Variants in RLIM observed in about 807,000 individuals in gnomAD.
The protein encoded by RLIM is ring finger protein, LIM domain interacting, also known as E3 ubiquitin-protein ligase RLIM.
In RLIM, 2 loss-of-function variants were observed where a neutral mutation model predicts 34.0. That is an observed-to-expected ratio of 0.06 (90% CI 0.02 to 0.19). The LOEUF (loss-of-function observed/expected upper bound fraction) is 0.19. Ranked by LOEUF, RLIM falls within the 10% of genes least tolerant of loss-of-function variation. RLIM has a pLI of 1.00. For missense variants in RLIM, 286 were observed against 479.7 expected, an observed-to-expected ratio of 0.60 and a Z score of 3.77; for synonymous variants, 169 against 164.0, an observed-to-expected ratio of 1.03 and a Z score of -0.23.
In RLIM at chrX:74,591,159, A is replaced by C; in HGVS notation, c.*281T>G. ...GCAGATCTTTTAAGATAACAAAGGA[A>C]AAATTGACAAGTGTATATGATAAAT... On this transcript the variant is annotated 3_prime_UTR_variant, in exon 4 of 4. Coordinates refer to ENST00000332687, the MANE Select transcript of RLIM (RefSeq NM_016120.4). 3.5e-6 allele frequency: 1 copy of C among 288,593 alleles called. No individual in the cohort carries two copies. Among genetic ancestry groups the C allele is most frequent in the Non-Finnish European group, 6.1e-6 (1 of 164,591 alleles). 23.8% of individuals were successfully genotyped at this position (288,593 alleles called of 1,213,427 possible).
chrX:74,607,959 T>G (rs1234923384), intron 1 of RLIM, among the ~76,000 whole-genome samples: 1 of 112,234 alleles, frequency 8.9e-6, no homozygotes, highest in African/African-American at 3.2e-5. Flanking sequence ...GCACCAAAAG[T>G]GTTGGGGATT....
chrX:74,608,339 G>C (rs2079691687), intron 1 of RLIM, among the ~76,000 whole-genome samples: 1 of 109,355 alleles, frequency 9.1e-6, no homozygotes, highest in African/African-American at 3.3e-5. Context: ...AAGCTTATAA[G>C]CTCTGCTTTT....
chrX:74,600,308 CAAAA>C, intron 1 of RLIM, among the ~76,000 whole-genome samples: 1 of 107,034 alleles, frequency 9.3e-6, no homozygotes, highest in Non-Finnish European at 1.9e-5. Context: ...CAAAACAAAA[CAAAA>C]AAAAACCCTG....
In RLIM at chrX:74,582,988, CTTTTA is replaced by C. The variant is rs769343117; in HGVS notation, c.*8447_*8451del. On this transcript the variant is annotated 3_prime_UTR_variant, in exon 4 of 4. Coordinates refer to ENST00000332687, the MANE Select transcript of RLIM (RefSeq NM_016120.4). Reference sequence around the variant, plus strand: ...TCGGTACATACGGTTCAGTTTCCTTCTTTTATATTTTGATATTTTTTTCCATATTT... The same window carrying C: ...TCGGTACATACGGTTCAGTTTCCTTCTATTTTGATATTTTTTTCCATATTT... 53 of 534,358 alleles carry C rather than the reference CTTTTA, an allele frequency of 9.9e-5. No homozygotes were observed. The highest frequency in any genetic ancestry group is 7.8e-4 in the African/African-American group (28 of 36,129). The allele number at this position is 534,358 out of a possible 1,213,427, so 44.0% of individuals were successfully genotyped here.
At chrX:74,599,646 G>T (rs993300420) in intron 1 of RLIM, among the ~76,000 whole-genome samples, 21 of 111,302 alleles carry the variant, frequency 1.9e-4, no homozygotes, top group Non-Finnish European at 3.0e-4. Flanking sequence ...GAAGACAGCT[G>T]TCTATGAGGA....
Position 74,583,918 on chromosome X carries a change from C to T in RLIM, c.*7522G>A, listed in dbSNP as rs976560363. On this transcript the variant is annotated 3_prime_UTR_variant, in exon 4 of 4. Transcript: ENST00000332687. ...AAAATTAGCTGGGCGTGGTGGCGGG[C>T]GCCTGTAATCCCAGCTACTCGGGAG... Among the ~76,000 whole-genome samples, 3 of 110,537 alleles carry T rather than the reference C, an allele frequency of 2.7e-5. No individual in the cohort carries two copies. Among genetic ancestry groups the T allele is most frequent in the East Asian group, 2.8e-4 (1 of 3,530 alleles).
intron 1 of RLIM, among the ~76,000 whole-genome samples, chrX:74,610,740 A>C (rs1602171528): frequency 9.5e-6 from 1 of 105,626 alleles, no homozygotes; most frequent in African/African-American, 3.5e-5. Context: ...AAATACAAAA[A>C]TTAGCCAGGC....
intron 1 of RLIM, among the ~76,000 whole-genome samples, chrX:74,607,903 T>C (rs904596618): frequency 1.8e-5 from 2 of 112,835 alleles, no homozygotes; most frequent in African/African-American, 6.4e-5. Flanking sequence ...ACTGCTGAAT[T>C]TAAGGCCAGA....
rs1354309230 is a variant in RLIM at position 74,588,849 on chromosome X, C to T, written c.*2591G>A. On this transcript the variant is annotated 3_prime_UTR_variant, in exon 4 of 4. Transcript: ENST00000332687. ...TTGTAATCTGACACCTACGAATGAC[C>T]TTGTCTTCAATGTCCACAACACTAG... 1 of 111,930 alleles carries T rather than the reference C, an allele frequency of 8.9e-6. No homozygotes were observed. The highest frequency in any genetic ancestry group is 2.8e-4 in the East Asian group (1 of 3,568). The allele number at this position is 111,930 out of a possible 1,213,427, so 9.2% of individuals were successfully genotyped here.
chrX:74,601,594 A>G (rs977041191), intron 1 of RLIM, among the ~76,000 whole-genome samples: 3 of 111,896 alleles, frequency 2.7e-5, no homozygotes, highest in Non-Finnish European at 3.8e-5. Flanking sequence ...TGGCTTGCAC[A>G]TTAGAATTAC....
At chrX:74,614,385 A>G (rs568808574) in intron 1 of RLIM, 37 bp downstream of exon 1, 1 of 112,097 alleles carries the variant, frequency 8.9e-6, no homozygotes. Context: ...CTCTCGCTCT[A>G]CATCATTTCT....
chrX:74,610,019 A>C (rs1277321832), intron 1 of RLIM, among the ~76,000 whole-genome samples: 1 of 112,370 alleles, frequency 8.9e-6, no homozygotes, highest in Non-Finnish European at 1.9e-5. Flanking sequence ...TTGCAAAATT[A>C]TTGCAAGAAA....
chrX:74,592,733 A>G lies in RLIM; in HGVS notation c.582T>C (p.Asn194=). 3 of 1,211,554 alleles carry G rather than the reference A, an allele frequency of 2.5e-6. No homozygotes were observed. The highest frequency in any genetic ancestry group is 3.4e-6 in the Non-Finnish European group (3 of 895,491). Residue 194 remains asparagine, a synonymous_variant, in exon 4 of 4, where the codon AAT becomes AAC. Transcript: ENST00000332687. ...TSARPSRSER[N]STEALTEVPP... ...GGACCTCTGTTAACGCTTCAGTTGA[A>G]TTTCGTTCTGATCTAGATGGCCTTG...
chrX:74,610,897 T>C (rs58263229), intron 1 of RLIM, among the ~76,000 whole-genome samples: 1 of 98,377 alleles, frequency 1.0e-5, no homozygotes, highest in Non-Finnish European at 2.1e-5. Flanking sequence ...CTCAAAAAAA[T>C]AAAAAAATAA....
In RLIM at chrX:74,584,725, TACC is replaced by T. The variant is rs1415147683; in HGVS notation, c.*6712_*6714del. Reference sequence around the variant, plus strand: ...CCAAGTAGCTGGGACCACAGCTGTGTACCACCACACCTGGCTAATTTATGTCTG... The same window carrying T: ...CCAAGTAGCTGGGACCACAGCTGTGTACCACACCTGGCTAATTTATGTCTG... On this transcript the variant is annotated 3_prime_UTR_variant, in exon 4 of 4. Coordinates refer to ENST00000332687, the MANE Select transcript of RLIM (RefSeq NM_016120.4). 1.8e-5 allele frequency among the ~76,000 whole-genome samples: 2 copies of T among 111,587 alleles called. No homozygotes were observed. Among genetic ancestry groups the T allele is most frequent in the East Asian group, 2.8e-4 (1 of 3,566 alleles).
intron 1 of RLIM, among the ~76,000 whole-genome samples, chrX:74,603,549 C>A (rs1480441639): frequency 2.7e-5 from 3 of 111,521 alleles, no homozygotes; most frequent in Non-Finnish European, 3.8e-5. Context: ...AGGGAACAAA[C>A]CAGAATTACA....
At chrX:74,596,548 C>T (rs2079640947) in intron 1 of RLIM, among the ~76,000 whole-genome samples, 1 of 112,111 alleles carries the variant, frequency 8.9e-6, no homozygotes, top group Non-Finnish European at 1.9e-5. Flanking sequence ...CACCCAGCCT[C>T]GTGCTGCATA....
At position 74,590,400 on chromosome X, in the gene RLIM, A is replaced by C. The variant is rs2079607548; in HGVS notation, c.*1040T>G. The C allele has an allele frequency of 8.9e-6, 1 of 112,356 alleles. No individual in the cohort carries two copies. Among genetic ancestry groups the C allele is most frequent in the Non-Finnish European group, 1.9e-5 (1 of 53,241 alleles). The allele number at this position is 112,356 out of a possible 1,213,427, so 9.3% of individuals were successfully genotyped here. ...TTGTGTCTGCATTATTACTGTCTTC[A>C]GGAAAACTTTAAATTCTTCAGTTTT... On this transcript the variant is annotated 3_prime_UTR_variant, in exon 4 of 4. Coordinates refer to ENST00000332687, the MANE Select transcript of RLIM (RefSeq NM_016120.4).
chrX:74,611,800 G>A (rs1304722678), intron 1 of RLIM, among the ~76,000 whole-genome samples: 1 of 112,039 alleles, frequency 8.9e-6, no homozygotes, highest in African/African-American at 3.2e-5. Context: ...TTTAACTGAG[G>A]ACAAATTATA....
Sources: gnomAD v4.1 joint callset for allele counts (sites outside exome capture counted in the v4.1 genomes callset) on GRCh38, gnomAD v4.1.1 for gene constraint, MANE v1.5 for transcripts, NCBI Gene and HGNC (gene_info 2026-07-23, HGNC 2026-07-21) for gene names.